Variants in RHOBTB2 observed in about 807,000 individuals in gnomAD.
RHOBTB2 encodes Rho related BTB domain containing 2, also known as rho-related BTB domain-containing protein 2.
Under a neutral mutation model 66.5 loss-of-function variants are expected in RHOBTB2, and 39 were observed. The observed-to-expected ratio is 0.59, with a 90% CI of 0.45 to 0.77. The LOEUF is 0.77. Among genes scored for constraint, RHOBTB2 ranks in the 30% least tolerant of loss-of-function variants. The pLI is 0.00. For missense variants in RHOBTB2, 755 were observed against 999.1 expected, an observed-to-expected ratio of 0.76 and a Z score of 3.29; for synonymous variants, 390 against 395.0, an observed-to-expected ratio of 0.99 and a Z score of 0.15.
At chr8:23,008,802 G>C (rs1471908937) in intron 6 of RHOBTB2, among the ~76,000 whole-genome samples, 3 of 152,208 alleles carry the variant, frequency 2.0e-5, no homozygotes, top group South Asian at 4.1e-4. Flanking sequence ...CCTGGATGCT[G>C]TCTCTAGTTG....
chr8:23,000,468 G>T (rs1161935499), intron 1 of RHOBTB2, among the ~76,000 whole-genome samples: 1 of 152,216 alleles, frequency 6.6e-6, no homozygotes, highest in Non-Finnish European at 1.5e-5. Flanking sequence ...CAGTGGAATT[G>T]GGGTGTTTTG....
At chr8:22,959,614 G>C in the RHOBTB2 span, among the ~76,000 whole-genome samples, 1 of 152,246 alleles carries the variant, frequency 6.6e-6, no homozygotes, top group African/African-American at 2.4e-5. Flanking sequence ...TCTATCTCAA[G>C]ATCAGGTTCA....
rs764258574 is a variant in RHOBTB2, at chr8:23,005,322, G to A, written c.193-50G>A. 12 of 1,399,514 alleles carry A rather than the reference G, an allele frequency of 8.6e-6. No individual in the cohort carries two copies. The East Asian group carries it at 1.1e-4, about 13-fold the overall frequency. The allele number at this position is 1,399,514 out of a possible 1,614,324, so 86.7% of individuals were successfully genotyped here. A position where few individuals can be genotyped will look rare whatever the true frequency, so the allele number is the denominator to read the frequency against. ...CGCTTATCCTGAGGTGGCACGCAGA[G>A]GTCCCCAAAACTGCTGCCTTCGAGT... On this transcript the variant is annotated intron_variant, in intron 2 of 9. Coordinates refer to ENST00000251822, the MANE Select transcript of RHOBTB2 (RefSeq NM_015178.3).
chr8:22,991,303 T>TGGCCGTCCC (rs1810419496), intron 1 of RHOBTB2, among the ~76,000 whole-genome samples: 3 of 152,292 alleles, frequency 2.0e-5, no homozygotes, highest in Non-Finnish European at 4.4e-5. Context: ...CCTGGGGTCC[T>TGGCCGTCCC]GGCCGTCCCA....
In RHOBTB2 at chr8:23,004,107, A is replaced by G. The variant is rs1373415441; in HGVS notation, c.-10-318A>G. ...GAGCTGCCCTCTCTGGAGAGGGGAC[A>G]GGGCAGGGCCTCGGCAAGCTCCACT... On this transcript the variant is annotated intron_variant, in intron 1 of 9. Transcript: ENST00000251822. The surrounding 1 kb of genome is among the most constrained non-coding windows in gnomAD (Gnocchi z 6.4). 1.3e-5 allele frequency: 5 copies of G among 394,038 alleles called. No homozygotes were observed. The highest frequency in any genetic ancestry group is 2.4e-5 in the Non-Finnish European group (5 of 206,492). 24.4% of individuals were successfully genotyped at this position (394,038 alleles called of 1,614,324 possible).
At chr8:22,996,958 T>C (rs113731013), upstream of RHOBTB2, among the ~76,000 whole-genome samples, 1 of 151,854 alleles carries the variant, frequency 6.6e-6, no homozygotes, top group African/African-American at 2.4e-5. Context: ...AGAGTGGGGG[T>C]CCCGGGGCAG....
At chr8:23,015,497 C>T in intron 8 of RHOBTB2, 141 bp from the exon 9 acceptor site, 1 of 605,088 alleles carries the variant, frequency 1.7e-6, no homozygotes, top group African/African-American at 1.9e-5. Flanking sequence ...TGTGGCCTTG[C>T]CTCTGGCGCA....
At chr8:23,002,840 G>A (rs373888840) in intron 1 of RHOBTB2, among the ~76,000 whole-genome samples, 4 of 152,224 alleles carry the variant, frequency 2.6e-5, no homozygotes, top group East Asian at 3.8e-4. Context: ...AGGCGGAGGA[G>A]GTTGTCTCAT....
chr8:22,971,627 G>A, the RHOBTB2 span, among the ~76,000 whole-genome samples: 1 of 152,180 alleles, frequency 6.6e-6, no homozygotes, highest in Non-Finnish European at 1.5e-5. Flanking sequence ...AGGACATGCT[G>A]CACTGCCCAT....
chr8:22,954,798 A>G, the RHOBTB2 span, among the ~76,000 whole-genome samples: 1 of 152,228 alleles, frequency 6.6e-6, no homozygotes, highest in East Asian at 1.9e-4. Context: ...GAAACCATAG[A>G]TTTGACTATA....
intron 1 of RHOBTB2, among the ~76,000 whole-genome samples, chr8:23,001,480 A>G (rs1810779600): frequency 6.6e-6 from 1 of 152,198 alleles, no homozygotes; most frequent in Non-Finnish European, 1.5e-5. Flanking sequence ...ATCCTCCTTT[A>G]AGACAGGCCT....
the RHOBTB2 span, among the ~76,000 whole-genome samples, chr8:22,969,741 T>G: frequency 6.6e-6 from 1 of 152,210 alleles, no homozygotes; most frequent in Non-Finnish European, 1.5e-5. Flanking sequence ...ATTAGAATTT[T>G]ACAAATTATA....
At chr8:22,955,953 C>T in the RHOBTB2 span, among the ~76,000 whole-genome samples, 1 of 152,158 alleles carries the variant, frequency 6.6e-6, no homozygotes, top group Non-Finnish European at 1.5e-5. Flanking sequence ...CCCCCAAAGG[C>T]AGATGAAGAA....
chr8:23,015,690 A>G lies in RHOBTB2; in HGVS notation c.1913A>G (p.Asn638Ser), dbSNP rs745515762. 1.3e-5 allele frequency: 21 copies of G among 1,613,830 alleles called. No homozygotes were observed. The highest frequency in any genetic ancestry group is 1.7e-5 in the Non-Finnish European group (20 of 1,179,924). Residue 638 changes from asparagine to serine, a missense_variant, in exon 9 of 10, where the codon AAC (asparagine) becomes AGC (serine). Coordinates refer to ENST00000251822, the MANE Select transcript of RHOBTB2 (RefSeq NM_015178.3). ...TGGTGTCTCCACCACATCTGCACCA[A>G]CTACAACAACGTGTGCCGCAAGTTC... ...ADWCLHHICT[N>S]YNNVCRKFPR...
the RHOBTB2 span, among the ~76,000 whole-genome samples, chr8:22,964,719 A>C: frequency 7.1e-4 from 108 of 152,292 alleles, no homozygotes; most frequent in African/African-American, 2.5e-3. Context: ...TTCTTGTAGC[A>C]TCTTAAGAAT....
intron 1 of RHOBTB2, among the ~76,000 whole-genome samples, chr8:23,003,713 CA>C (rs1810855006): frequency 1.3e-5 from 2 of 152,200 alleles, no homozygotes; most frequent in Non-Finnish European, 1.5e-5. Context: ...GACACATGGG[CA>C]ACAGGACAGA....
upstream of RHOBTB2, chr8:22,995,841 AG>A: frequency 6.4e-7 from 1 of 1,551,592 alleles, no homozygotes; most frequent in South Asian, 1.2e-5. Context: ...TGGGCTCCGC[AG>A]AGGCTGTAGT....
intron 1 of RHOBTB2, among the ~76,000 whole-genome samples, chr8:22,988,038 G>C (rs1206140172): frequency 6.6e-6 from 1 of 152,104 alleles, no homozygotes; most frequent in Non-Finnish European, 1.5e-5. Flanking sequence ...TGGCCAAGGG[G>C]AACACAGGAA....
the RHOBTB2 span, among the ~76,000 whole-genome samples, chr8:22,952,546 C>T: frequency 6.6e-6 from 1 of 152,022 alleles, no homozygotes; most frequent in African/African-American, 2.4e-5. Flanking sequence ...AAGGAATTTA[C>T]CTGAAGGATA....
Sources: gnomAD v4.1 joint callset for allele counts (sites outside exome capture counted in the v4.1 genomes callset) on GRCh38, gnomAD v4.1.1 for gene constraint, Gnocchi (gnomAD v3.1) non-coding constraint, MANE v1.5 for transcripts, NCBI Gene and HGNC (gene_info 2026-07-23, HGNC 2026-07-21) for gene names.